COL15A1: variants seen among roughly 807,000 people sequenced by gnomAD.
COL15A1 encodes the protein collagen type XV alpha 1 chain.
Under a neutral mutation model 165.9 loss-of-function variants are expected in COL15A1, and 111 were observed. That is an observed-to-expected ratio of 0.67 (90% CI 0.57 to 0.78). The LOEUF (loss-of-function observed/expected upper bound fraction) is 0.78. COL15A1 is among the 30% of genes least tolerant of loss of function. The pLI is 0.00. For missense variants in COL15A1, 1,745 were observed against 1,789.7 expected, an observed-to-expected ratio of 0.98 and a Z score of 0.45; for synonymous variants, 659 against 674.8, an observed-to-expected ratio of 0.98 and a Z score of 0.36.
At chr9:99,042,917 A>G (rs984056351) in intron 24 of COL15A1, among the ~76,000 whole-genome samples, 5 of 152,186 alleles carry the variant, frequency 3.3e-5, no homozygotes, top group African/African-American at 1.2e-4. Context: ...ATACTCATCC[A>G]TCTTTCGTCC....
At chr9:98,959,330 C>T (rs1225930232) in intron 2 of COL15A1, among the ~76,000 whole-genome samples, 1 of 151,420 alleles carries the variant, frequency 6.6e-6, no homozygotes, top group Non-Finnish European at 1.5e-5. Flanking sequence ...GGATCGATCA[C>T]TTGAGCCCAG....
At chr9:98,984,974 T>G (rs949891874) in intron 2 of COL15A1, among the ~76,000 whole-genome samples, 2 of 152,180 alleles carry the variant, frequency 1.3e-5, no homozygotes, top group Non-Finnish European at 2.9e-5. Flanking sequence ...GTATTTTTAG[T>G]AGAGACGAGG....
intron 2 of COL15A1, among the ~76,000 whole-genome samples, chr9:98,967,767 C>T (rs1837981625): frequency 1.3e-5 from 2 of 152,214 alleles, no homozygotes; most frequent in South Asian, 2.1e-4. Flanking sequence ...GCTGCCTGCT[C>T]TTGTCTCCAG....
At position 99,009,529 on chromosome 9, in the gene COL15A1, G is replaced by T. The variant is rs562574431; in HGVS notation, c.1353+4479G>T. Among the ~76,000 whole-genome samples, 4 of 152,204 alleles carry T rather than the reference G, an allele frequency of 2.6e-5. No individual in the cohort carries two copies. The East Asian group carries it at 5.8e-4, about 22-fold the overall frequency. Reference sequence around the variant, plus strand: ...ATAGCTCAGAAGAAAAGCTTTCTTGGTTCTGAAAATCAAAAAATTAATGGG... The same window carrying T: ...ATAGCTCAGAAGAAAAGCTTTCTTGTTTCTGAAAATCAAAAAATTAATGGG... On this transcript the variant is annotated intron_variant, in intron 9 of 41. Transcript: ENST00000375001.
At chr9:99,034,915 A>G in intron 17 of COL15A1, 99 bp from the exon 18 acceptor site, 1 of 1,081,542 alleles carries the variant, frequency 9.2e-7, no homozygotes, top group South Asian at 1.3e-5. Flanking sequence ...TCATCAACCT[A>G]ATTAACTTCA....
Position 99,024,996 on chromosome 9 carries a change from C to T in COL15A1, c.1977C>T (p.Pro659=). 6.2e-7 allele frequency: 1 copy of T among 1,613,096 alleles called. No homozygotes were observed. The highest frequency in any genetic ancestry group is 8.5e-7 in the Non-Finnish European group (1 of 1,179,578). ...GEDGPAGEPG[P]PGPEGQPGVD... is the part of the protein sequence containing the mutation. ...ATGGACCTGCTGGTGAACCTGGGCC[C>T]CCGGTGAGCAACTGAAGTCTTCTCC... The change falls in exon 15 of 42, where the codon CCC becomes CCT. Residue 659 remains proline, a synonymous_variant. Transcript: ENST00000375001.
chr9:99,010,069 G>A (rs1241100310), intron 9 of COL15A1, among the ~76,000 whole-genome samples: 1 of 152,192 alleles, frequency 6.6e-6, no homozygotes. Context: ...ACCTTGAGGA[G>A]TTGAATAGCT....
intron 24 of COL15A1, 21 bp downstream of exon 24, chr9:99,042,128 T>C: frequency 6.4e-7 from 1 of 1,571,254 alleles, no homozygotes; most frequent in Non-Finnish European, 8.7e-7. Flanking sequence ...CCCAGGTATC[T>C]GAGTGAGATT....
chr9:98,950,480 C>T (rs1048837806), intron 2 of COL15A1, among the ~76,000 whole-genome samples: 16 of 133,014 alleles, frequency 1.2e-4, no homozygotes, highest in Non-Finnish European at 2.2e-4. Context: ...CCCTCCCTTC[C>T]CTCCTTCCTT....
At chr9:99,041,989 G>T in intron 23 of COL15A1, 56 bp from the exon 24 acceptor site, 1 of 1,138,104 alleles carries the variant, frequency 8.8e-7, no homozygotes, top group Non-Finnish European at 1.3e-6. Context: ...TTTCTGATTG[G>T]TTTATGCATT....
At chr9:98,965,725 C>A (rs761299722) in intron 2 of COL15A1, among the ~76,000 whole-genome samples, 30 of 152,230 alleles carry the variant, frequency 2.0e-4, no homozygotes, top group Admixed American at 1.2e-3. Flanking sequence ...TCCTTCAGGT[C>A]CCCTTCCCAG....
chr9:98,999,847 A>G (rs1838618052), intron 6 of COL15A1, among the ~76,000 whole-genome samples: 1 of 138,528 alleles, frequency 7.2e-6, no homozygotes, highest in African/African-American at 2.8e-5. Flanking sequence ...TGCTTCAAAA[A>G]TCCATTTGCG....
chr9:98,958,530 C>G (rs1837814681), intron 2 of COL15A1, among the ~76,000 whole-genome samples: 1 of 152,190 alleles, frequency 6.6e-6, no homozygotes, highest in African/African-American at 2.4e-5. Context: ...GTGGAAGAAA[C>G]CATTTCTCAC....
intron 9 of COL15A1, among the ~76,000 whole-genome samples, chr9:99,011,032 T>C (rs531306512): frequency 1.1e-3 from 166 of 152,250 alleles, no homozygotes; most frequent in African/African-American, 3.9e-3. Flanking sequence ...GGAAAAAAAA[T>C]CTTACAGGAG....
At chr9:99,005,815 C>A (rs957318837) in intron 9 of COL15A1, among the ~76,000 whole-genome samples, 12 of 152,342 alleles carry the variant, frequency 7.9e-5, no homozygotes, top group African/African-American at 2.9e-4. Context: ...AGAGCCCTGT[C>A]TGGCCTCCTC....
chr9:99,011,406 GA>G (rs774837414), intron 9 of COL15A1, among the ~76,000 whole-genome samples: 560 of 46,840 alleles, frequency 0.012, no homozygotes, highest in Middle Eastern at 0.043. Context: ...CCCTCTTTCT[GA>G]AAAAAAAAAA....
chr9:99,042,869 G>A (rs771416136), intron 24 of COL15A1, among the ~76,000 whole-genome samples: 11 of 152,092 alleles, frequency 7.2e-5, no homozygotes, highest in South Asian at 4.1e-4. Flanking sequence ...GGAGAGTGAC[G>A]TCCATAAACA....
rs1232195642 is a variant in COL15A1, at chr9:99,067,157, A to T, written c.3837+90A>T. On this transcript the variant is annotated intron_variant, in intron 40 of 41. Coordinates refer to ENST00000375001, the MANE Select transcript of COL15A1 (RefSeq NM_001855.5). Reference sequence around the variant, plus strand: ...TTTTCATTCCTGACATCAACAGAAGACTGTTGACTTAAGCCTGCTCTCTCC... The same window carrying T: ...TTTTCATTCCTGACATCAACAGAAGTCTGTTGACTTAAGCCTGCTCTCTCC... 1.1e-5 allele frequency: 13 copies of T among 1,135,582 alleles called. No individual in the cohort carries two copies. In the African/African-American group the frequency reaches 1.9e-4, roughly 16 times the overall value. The allele number at this position is 1,135,582 out of a possible 1,614,324, so 70.3% of individuals were successfully genotyped here. A position where few individuals can be genotyped will look rare whatever the true frequency, so the allele number is the denominator to read the frequency against.
rs142863109 is a variant in COL15A1, at chr9:99,023,384, C to T, written c.1789C>T (p.Leu597=). The change falls in exon 14 of 42, where the codon CTA becomes TTA. Residue 597 remains leucine (L), a synonymous_variant. Coordinates refer to ENST00000375001, the MANE Select transcript of COL15A1 (RefSeq NM_001855.5). ...TAGAEAEGSG[L]GWGSDVGSGS... is the part of the protein sequence containing the mutation. ...AGGAGCAGAAGCAGAGGGCTCTGGC[C>T]TAGGCTGGGGCTCGGACGTCGGCTC... is the stretch of plus-strand genomic sequence containing the variant. 285 of 1,612,302 alleles carry T rather than the reference C, an allele frequency of 1.8e-4. No homozygotes were observed. The African/African-American group carries it at 3.5e-3, about 20-fold the overall frequency.
Sources: gnomAD v4.1 joint callset for allele counts (sites outside exome capture counted in the v4.1 genomes callset) on GRCh38, gnomAD v4.1.1 for gene constraint, MANE v1.5 for transcripts, NCBI Gene and HGNC (gene_info 2026-07-23, HGNC 2026-07-21) for gene names.